The following FAM135A variants were observed in gnomAD, a reference collection of about 807,000 sequenced individuals.
The protein encoded by FAM135A is family with sequence similarity 135 member A.
FAM135A carries 79 observed loss-of-function variants against 146.8 expected under a neutral mutation model. The ratio of observed to expected loss-of-function variants is 0.54; its 90% CI spans 0.45 to 0.65. The LOEUF is 0.65. FAM135A is among the 30% of genes least tolerant of loss of function. The pLI, the probability that FAM135A is intolerant of heterozygous loss-of-function variation, is 0.00. For missense variants in FAM135A, 1,623 were observed against 1,758.2 expected, an observed-to-expected ratio of 0.92 and a Z score of 1.38; for synonymous variants, 562 against 603.6, an observed-to-expected ratio of 0.93 and a Z score of 1.01.
intron 20 of FAM135A, among the ~76,000 whole-genome samples, chr6:70,542,068 C>T (rs905351125): frequency 3.9e-5 from 6 of 152,126 alleles, no homozygotes; most frequent in Non-Finnish European, 5.9e-5. Context: ...CCTCGTTAGA[C>T]GAAATGATCA....
intron 15 of FAM135A, among the ~76,000 whole-genome samples, chr6:70,527,582 T>A (rs1385139539): frequency 6.6e-6 from 1 of 152,120 alleles, no homozygotes; most frequent in Non-Finnish European, 1.5e-5. Flanking sequence ...ACTTTATATA[T>A]TTTTGGCCAG....
In FAM135A at chr6:70,482,110, T is replaced by C; in HGVS notation, c.779T>C (p.Ile260Thr). The stretch of plus-strand genomic sequence containing the variant: ...TTCAAGGGATTGCACAGCTACTTCA[T>C]TACAGTAACAGAAGAGATTCCTTCT... The part of the protein sequence containing the change: ...LAFKGLHSYF[I>T]TVTEEIPSCQ... Residue 260 changes from isoleucine (I) to threonine (T), a missense_variant, in exon 10 of 22, where the codon ATT (isoleucine) becomes ACT (threonine). Around this residue, in one of 7 missense-constraint regions of FAM135A, gnomAD observed 206 missense variants for 194.7 expected, o/e 1.06. Transcript: ENST00000418814. 1 of 1,613,736 alleles carries C rather than the reference T, an allele frequency of 6.2e-7. No homozygotes were observed. Among genetic ancestry groups the C allele is most frequent in the Non-Finnish European group, 8.5e-7 (1 of 1,179,790 alleles).
intron 12 of FAM135A, chr6:70,503,045 G>A (rs905247341): frequency 3.9e-6 from 1 of 259,354 alleles, no homozygotes; most frequent in Non-Finnish European, 7.4e-6. Flanking sequence ...GAAAATATAT[G>A]ATACAGAATA....
At chr6:70,451,444 T>G (rs943533998) in intron 4 of FAM135A, among the ~76,000 whole-genome samples, 1 of 152,156 alleles carries the variant, frequency 6.6e-6, no homozygotes, top group African/African-American at 2.4e-5. Context: ...TCCCACTGAT[T>G]CCACTTCGAT....
intron 11 of FAM135A, among the ~76,000 whole-genome samples, chr6:70,493,278 G>A (rs1425855879): frequency 6.6e-6 from 1 of 151,830 alleles, no homozygotes; most frequent in Non-Finnish European, 1.5e-5. Context: ...GTGTTTATGT[G>A]ATTACATATG....
Position 70,477,312 on chromosome 6 carries a change from A to G in FAM135A, c.522A>G (p.Ala174=), listed in dbSNP as rs756571147. 1.2e-6 allele frequency: 2 copies of G among 1,612,568 alleles called. No homozygotes were observed. Among genetic ancestry groups the G allele is most frequent in the Non-Finnish European group, 1.7e-6 (2 of 1,179,338 alleles). Reference sequence around the variant, plus strand: ...TTACAGTTCATGCATCATTGGTTGCACTACACCAGCCACTAATAAGGTAAA... The same window carrying G: ...TTACAGTTCATGCATCATTGGTTGCGCTACACCAGCCACTAATAAGGTAAA... ...VSVTVHASLV[A]LHQPLISFPR... The change falls in exon 8 of 22, where the codon GCA becomes GCG. Residue 174 remains alanine, a synonymous_variant. Coordinates refer to ENST00000418814, the MANE Select transcript of FAM135A (RefSeq NM_001162529.3).
At chr6:70,465,826 G>A (rs1351806510) in intron 5 of FAM135A, among the ~76,000 whole-genome samples, 1 of 152,174 alleles carries the variant, frequency 6.6e-6, no homozygotes, top group Non-Finnish European at 1.5e-5. Flanking sequence ...ATACTAACAT[G>A]AAGTAAGAAA....
chr6:70,558,551 T>G (rs938673679), intron 21 of FAM135A, among the ~76,000 whole-genome samples: 1 of 152,244 alleles, frequency 6.6e-6, no homozygotes, highest in Non-Finnish European at 1.5e-5. Context: ...GGCTCATGCC[T>G]GTAATCCCAG....
intron 2 of FAM135A, among the ~76,000 whole-genome samples, chr6:70,423,400 G>A (rs758645711): frequency 6.6e-5 from 10 of 152,174 alleles, no homozygotes; most frequent in Non-Finnish European, 2.9e-5. Context: ...GTAACAAAGA[G>A]TTACGAGACA....
At chr6:70,492,093 A>G (rs547811657) in intron 11 of FAM135A, among the ~76,000 whole-genome samples, 1 of 152,040 alleles carries the variant, frequency 6.6e-6, no homozygotes, top group Non-Finnish European at 1.5e-5. Context: ...TAATTTTTAA[A>G]TAATACAAAT....
chr6:70,554,681 G>T (rs971579544), intron 20 of FAM135A, among the ~76,000 whole-genome samples: 2 of 152,184 alleles, frequency 1.3e-5, no homozygotes, highest in African/African-American at 4.8e-5. Context: ...AGGCTGGAGT[G>T]CAGTGGCACA....
At chr6:70,436,947 T>G (rs983696911) in intron 4 of FAM135A, among the ~76,000 whole-genome samples, 2 of 152,170 alleles carry the variant, frequency 1.3e-5, no homozygotes, top group African/African-American at 4.8e-5. Context: ...ATTAACTAGC[T>G]TTAAAGGACT....
At chr6:70,431,490 AG>A (rs1231751453) in intron 4 of FAM135A, among the ~76,000 whole-genome samples, 1 of 152,198 alleles carries the variant, frequency 6.6e-6, no homozygotes, top group East Asian at 1.9e-4. Context: ...CCATGCCAGC[AG>A]ACCTCATATC....
At chr6:70,422,055 A>G (rs960916733) in intron 2 of FAM135A, among the ~76,000 whole-genome samples, 1 of 152,204 alleles carries the variant, frequency 6.6e-6, no homozygotes, top group Non-Finnish European at 1.5e-5. Context: ...GAGATTTTGC[A>G]CTGTTCGCCC....
intron 20 of FAM135A, among the ~76,000 whole-genome samples, chr6:70,541,024 A>G (rs1797823371): frequency 6.6e-6 from 1 of 152,176 alleles, no homozygotes; most frequent in Non-Finnish European, 1.5e-5. Flanking sequence ...TCTACCTACC[A>G]ACATTAATTA....
chr6:70,442,242 T>G (rs1452188006), intron 4 of FAM135A, among the ~76,000 whole-genome samples: 1 of 149,928 alleles, frequency 6.7e-6, no homozygotes. Flanking sequence ...TTCATGGGTT[T>G]TTTTTTTTTT....
chr6:70,461,536 A>G (rs1163800906), intron 5 of FAM135A, among the ~76,000 whole-genome samples: 2 of 152,242 alleles, frequency 1.3e-5, no homozygotes, highest in Non-Finnish European at 2.9e-5. Context: ...AGTGCATAGG[A>G]TAACATTTCA....
chr6:70,428,243 A>G, intron 3 of FAM135A, 61 bp from the exon 4 acceptor site: 1 of 739,366 alleles, frequency 1.4e-6, no homozygotes, highest in Non-Finnish European at 2.2e-6. Flanking sequence ...AAATAATAGC[A>G]TTTTTATAAG....
intron 20 of FAM135A, among the ~76,000 whole-genome samples, chr6:70,550,329 G>GGCA (rs2128481533): frequency 6.6e-6 from 1 of 152,232 alleles, no homozygotes; most frequent in East Asian, 1.9e-4. Flanking sequence ...CACTACCTAT[G>GGCA]GCAGCTATCA....
Sources: allele counts gnomAD v4.1 joint callset (sites outside exome capture counted in the v4.1 genomes callset), GRCh38; gene constraint gnomAD v4.1.1; regional missense constraint gnomAD v4.1.1; transcripts MANE v1.5; gene names NCBI Gene and HGNC (gene_info 2026-07-23, HGNC 2026-07-21).